Variants in DEDD2 observed in about 807,000 individuals in gnomAD.
DEDD2 encodes DNA-binding death effector domain-containing protein 2.
Under a neutral mutation model 28.9 loss-of-function variants are expected in DEDD2, and 18 were observed. The observed-to-expected ratio is 0.62, with a 90% CI of 0.43 to 0.92. The LOEUF is 0.92. Among genes scored for constraint, DEDD2 ranks in the 40% least tolerant of loss-of-function variants. The probability of loss-of-function intolerance (pLI) is 0.00; values close to 1 mark genes in which losing one functional copy is unlikely to be tolerated. For synonymous variants in DEDD2, 211 were observed against 206.1 expected, an observed-to-expected ratio of 1.02 and a Z score of -0.20; for missense variants, 411 against 463.3, an observed-to-expected ratio of 0.89 and a Z score of 1.04.
At position 42,215,189 on chromosome 19, in the gene DEDD2, C is replaced by T. The variant is rs758681161; in HGVS notation, c.392G>A (p.Arg131His). 5 of 1,613,890 alleles carry T rather than the reference C, an allele frequency of 3.1e-6. No homozygotes were observed. Among genetic ancestry groups the T allele is most frequent in the South Asian group, 1.1e-5 (1 of 91,006 alleles). Residue 131 changes from arginine (R) to histidine (H), a missense_variant, in exon 3 of 5, where the codon CGT (arginine) becomes CAT (histidine). Coordinates refer to ENST00000596251, the MANE Select transcript of DEDD2 (RefSeq NM_133328.4). ...SSSKRTEGSC[R>H]RRRQSSSSAN... The stretch of plus-strand genomic sequence containing the variant: ...AGAACTGCTTGACTGCCGACGGCGA[C>T]GGCAGCTACCCTCTGTCCTCTTTGA...
At chr19:42,214,293 T>G (rs914048009) in intron 3 of DEDD2, among the ~76,000 whole-genome samples, 1 of 152,008 alleles carries the variant, frequency 6.6e-6, no homozygotes, top group Non-Finnish European at 1.5e-5. Flanking sequence ...TCATCTCTAC[T>G]AAAAATACAA....
intron 3 of DEDD2, among the ~76,000 whole-genome samples, chr19:42,214,800 G>C (rs2035898501): frequency 6.6e-6 from 1 of 152,090 alleles, no homozygotes; most frequent in Non-Finnish European, 1.5e-5. Context: ...ACTGGGGGTG[G>C]TGAGAATAAA....
chr19:42,201,133 T>TA (rs2035315887), intron 4 of DEDD2, among the ~76,000 whole-genome samples: 1 of 152,068 alleles, frequency 6.6e-6, no homozygotes, highest in African/African-American at 2.4e-5. Flanking sequence ...ACCCCCAACT[T>TA]ACAGATGAAA....
upstream of DEDD2, among the ~76,000 whole-genome samples, chr19:42,219,011 G>A (rs917675071): frequency 3.3e-4 from 50 of 151,446 alleles, no homozygotes; most frequent in African/African-American, 1.2e-3. Flanking sequence ...TTTGTCTCAA[G>A]AAACAAACAA....
intron 4 of DEDD2, 55 bp downstream of exon 4, chr19:42,209,645 C>A: frequency 6.5e-7 from 1 of 1,548,094 alleles, no homozygotes; most frequent in Middle Eastern, 1.7e-4. Context: ...TTCTCCCACC[C>A]TCTGAACCCA....
chr19:42,199,665 T>G lies in DEDD2; in HGVS notation c.754A>C (p.Lys252Gln). 1 of 1,614,096 alleles carries G rather than the reference T, an allele frequency of 6.2e-7. No homozygotes were observed. The highest frequency in any genetic ancestry group is 8.5e-7 in the Non-Finnish European group (1 of 1,179,962). ...TCCAGATAGGAGAGCTCTGAGAACT[T>G]GATGTCACAAACCACAGAGCCCAGG... ...RDLGSVVCDI[K>Q]FSELSYLDAF... The change falls in exon 5 of 5, where the codon AAG (lysine) becomes CAG (glutamine). Residue 252 changes from lysine (K) to glutamine (Q), a missense_variant. Transcript: ENST00000596251. This position sits in a 1 kb window ranked among gnomAD's most constrained non-coding sequence, Gnocchi z 7.4.
In DEDD2 at chr19:42,199,758, G is replaced by C. The variant is rs763772677; in HGVS notation, c.661C>G (p.Arg221Gly). 6.2e-7 allele frequency: 1 copy of C among 1,611,760 alleles called. No homozygotes were observed. The highest frequency in any genetic ancestry group is 8.5e-7 in the Non-Finnish European group (1 of 1,178,876). The change falls in exon 5 of 5, where the codon CGG (arginine) becomes GGG (glycine). Residue 221 changes from arginine to glycine, a missense_variant. Physicochemically the swap from Arg to Gly is moderately radical, Grantham distance 125 (BLOSUM62 -2). This residue lies in a region of DEDD2 where 129 missense variants were observed against 189.9 expected (regional missense o/e 0.68). Transcript: ENST00000596251. This position sits in a 1 kb window ranked among gnomAD's most constrained non-coding sequence, Gnocchi z 7.4. Reference sequence around the variant, plus strand: ...AGCTGCCGCGCCAGCGCCTGGGGCCGCCGGGATGCCACGCCCTGCTCCAAG... The same window carrying C: ...AGCTGCCGCGCCAGCGCCTGGGGCCCCCGGGATGCCACGCCCTGCTCCAAG... Reference protein sequence around the residue: ...PALEQGVASRRPQALARQLDV... With the variant: ...PALEQGVASRGPQALARQLDV...
intron 3 of DEDD2, chr19:42,211,827 C>T (rs1327184844): frequency 5.3e-5 from 8 of 152,016 alleles, no homozygotes; most frequent in Non-Finnish European, 2.9e-5. Flanking sequence ...CACCTCAAGT[C>T]GGGAGTTCGA....
At chr19:42,219,049 A>T (rs2036079162), upstream of DEDD2, among the ~76,000 whole-genome samples, 1 of 152,286 alleles carries the variant, frequency 6.6e-6, no homozygotes, top group East Asian at 1.9e-4. Context: ...TCACGCCTGC[A>T]TTCCCAGCAC....
Position 42,209,651 on chromosome 19 carries a change from A to C in DEDD2, c.589+49T>G, listed in dbSNP as rs3745230. The C allele has an allele frequency of 2.0e-4, 306 of 1,553,188 alleles. 1 individual carries two copies. In the East Asian group the frequency reaches 6.5e-3, roughly 33 times the overall value. Reference sequence around the variant, plus strand: ...AATGCTCATTTCTCCCACCCTCTGAACCCACCCGGGGCACTCTACATGCAT... The same window carrying C: ...AATGCTCATTTCTCCCACCCTCTGACCCCACCCGGGGCACTCTACATGCAT... On this transcript the variant is annotated intron_variant, in intron 4 of 4. Coordinates refer to ENST00000596251, the MANE Select transcript of DEDD2 (RefSeq NM_133328.4).
chr19:42,199,432 C>T lies in DEDD2; in HGVS notation c.*6G>A. On this transcript the variant is annotated 3_prime_UTR_variant, in exon 5 of 5. Transcript: ENST00000596251. This position sits in a 1 kb window ranked among gnomAD's most constrained non-coding sequence, Gnocchi z 7.4. ...TGGAGGTGGGATCAATCCTGCCAGT[C>T]CTGGATCAGGAGGCCTCTGTCGGGC... 6.3e-7 allele frequency: 1 copy of T among 1,592,750 alleles called. No individual in the cohort carries two copies. Among genetic ancestry groups the T allele is most frequent in the East Asian group, 2.2e-5 (1 of 44,506 alleles).
intron 4 of DEDD2, among the ~76,000 whole-genome samples, chr19:42,200,351 G>GT (rs1222716704): frequency 1.3e-5 from 2 of 152,362 alleles, no homozygotes; most frequent in South Asian, 4.1e-4. Context: ...GTTCACTTGT[G>GT]TAACTGTGGC....
intron 4 of DEDD2, among the ~76,000 whole-genome samples, chr19:42,206,055 G>C (rs1291456571): frequency 6.7e-6 from 1 of 149,640 alleles, no homozygotes; most frequent in Non-Finnish European, 1.5e-5. Context: ...CTGTGCTCCA[G>C]CCTGGGCGAC....
rs1287832742 is a variant in DEDD2, at chr19:42,216,722, G to C, written c.286C>G (p.His96Asp). ...LGQLLRVLAR[H>D]DLLPHLARKR... is the part of the protein sequence containing the mutation. ...CGCGCCAGGTGCGGCAGCAGGTCGT[G>C]GCGGGCCAGCACGCGCAGGAGTTGC... Residue 96 changes from histidine to aspartate, a missense_variant, in exon 2 of 5, where the codon CAC becomes GAC. By Grantham distance (81) the His-to-Asp change is moderately conservative. Transcript: ENST00000596251. The C allele has an allele frequency of 1.9e-6, 3 of 1,591,340 alleles. No homozygotes were observed. The highest frequency in any genetic ancestry group is 1.3e-5 in the African/African-American group (1 of 74,344).
At chr19:42,216,287 C>T (rs1422985292) in intron 2 of DEDD2, among the ~76,000 whole-genome samples, 1 of 152,216 alleles carries the variant, frequency 6.6e-6, no homozygotes, top group Non-Finnish European at 1.5e-5. Context: ...CCTCCTAGGC[C>T]CAGCAAACAG....
rs1176415621 is a variant in DEDD2 at position 42,198,866 on chromosome 19, G to GCCCT, written c.*568_*571dup. The GCCCT allele has an allele frequency of 3.9e-5, 6 of 153,818 alleles. No individual in the cohort carries two copies. The highest frequency in any genetic ancestry group is 3.9e-4 in the Admixed American group (6 of 15,402). 9.5% of individuals were successfully genotyped at this position (153,818 alleles called of 1,614,324 possible). A position where few individuals can be genotyped will look rare whatever the true frequency, so the allele number is the denominator to read the frequency against. On this transcript the variant is annotated 3_prime_UTR_variant, in exon 5 of 5. Transcript: ENST00000596251. ...GGTCTGTAAATTGAAGCTGGGCAGGGCCCTGGCTGGCTGGAGATGTGTGGG... is the reference window on the plus strand; with the variant it reads ...GGTCTGTAAATTGAAGCTGGGCAGGGCCCTCCCTGGCTGGCTGGAGATGTGTGGG...
chr19:42,217,502 T>A, intron 1 of DEDD2, 130 bp downstream of exon 1: 1 of 182,278 alleles, frequency 5.5e-6, no homozygotes, highest in Non-Finnish European at 1.1e-5. Flanking sequence ...GCAGCCCCTT[T>A]GCTCCACACA....
chr19:42,216,956 GGCACT>G lies in DEDD2; in HGVS notation c.47_51del (p.Glu16AlafsTer34). On this transcript the variant is annotated frameshift_variant, in exon 2 of 5. Coordinates refer to ENST00000596251, the MANE Select transcript of DEDD2 (RefSeq NM_133328.4). LOFTEE classifies it high-confidence loss of function. ...AGCGACAGCATCCCGTAGTAGTCCAGGCACTCATCCTCCTCCCAGCACGGGGCCGG... is the reference window on the plus strand; with the variant it reads ...AGCGACAGCATCCCGTAGTAGTCCAGCATCCTCCTCCCAGCACGGGGCCGG... 1 of 1,602,426 alleles carries G rather than the reference GGCACT, an allele frequency of 6.2e-7. No individual in the cohort carries two copies. Among genetic ancestry groups the G allele is most frequent in the Non-Finnish European group, 8.5e-7 (1 of 1,175,012 alleles).
Position 42,199,628 on chromosome 19 carries a change from C to A in DEDD2, c.791G>T (p.Gly264Val), listed in dbSNP as rs1175172125. The change falls in exon 5 of 5, where the codon GGC (glycine) becomes GTC (valine). Residue 264 changes from glycine (G) to valine (V), a missense_variant. Around this residue, in one of 2 missense-constraint regions of DEDD2, gnomAD observed 129 missense variants for 189.9 expected, o/e 0.68. Transcript: ENST00000596251. This position sits in a 1 kb window ranked among gnomAD's most constrained non-coding sequence, Gnocchi z 7.4. ...SELSYLDAFWGDYLSGALLQA... is the reference protein window; with the variant it reads ...SELSYLDAFWVDYLSGALLQA... ...CAGCAGGGCGCCACTCAGGTAGTCGCCCCAGAAGGCGTCCAGATAGGAGAG... is the reference window on the plus strand; with the variant it reads ...CAGCAGGGCGCCACTCAGGTAGTCGACCCAGAAGGCGTCCAGATAGGAGAG... 9.3e-6 allele frequency: 15 copies of A among 1,614,036 alleles called. No individual in the cohort carries two copies. The highest frequency in any genetic ancestry group is 1.3e-5 in the Non-Finnish European group (15 of 1,180,000).
Sources: gnomAD v4.1 joint callset for allele counts (sites outside exome capture counted in the v4.1 genomes callset) on GRCh38, gnomAD v4.1.1 for gene constraint, gnomAD v4.1.1 regional missense constraint, Gnocchi (gnomAD v3.1) non-coding constraint, MANE v1.5 for transcripts, NCBI Gene and HGNC (gene_info 2026-07-23, HGNC 2026-07-21) for gene names.